CREB5: variants seen among roughly 807,000 people sequenced by gnomAD.
CREB5 encodes the protein cyclic AMP-responsive element-binding protein 5.
CREB5 carries 19 observed loss-of-function variants against 57.1 expected under a neutral mutation model. The ratio of observed to expected loss-of-function variants is 0.33; its 90% CI spans 0.23 to 0.49. CREB5 has a LOEUF of 0.49. Ranked by LOEUF, CREB5 falls within the 20% of genes least tolerant of loss-of-function variation. CREB5 has a pLI of 0.99. For synonymous variants in CREB5, 238 were observed against 238.3 expected (o/e 1.00, Z 0.01); for missense variants, 579 against 671.6 (o/e 0.86, Z 1.52).
intron 1 of CREB5, among the ~76,000 whole-genome samples, chr7:28,312,402 G>A (rs1785296053): frequency 6.6e-6 from 1 of 152,190 alleles, no homozygotes; most frequent in Non-Finnish European, 1.5e-5. Flanking sequence ...CAGAGTGGTG[G>A]AGCTGCAAGG....
rs1209024159 is a variant in CREB5, at chr7:28,384,447, T to C, written c.-25+85006T>C. ...AACATGACTTTGCCTATCCCAGTAT[T>C]GTGGCATTATGCTTCCAATGAGGTT... On this transcript the variant is annotated intron_variant, in intron 1 of 9. Coordinates refer to the CREB5 transcript ENST00000396299. Among the ~76,000 whole-genome samples, 26 of 152,136 alleles carry C rather than the reference T, an allele frequency of 1.7e-4. 1 individual carries two copies. Among genetic ancestry groups the C allele is most frequent in the Non-Finnish European group, 2.9e-5 (2 of 68,036 alleles).
intron 5 of CREB5, among the ~76,000 whole-genome samples, chr7:28,595,265 T>C (rs1562518317): frequency 6.6e-6 from 1 of 152,078 alleles, no homozygotes; most frequent in Non-Finnish European, 1.5e-5. Context: ...TGGTGGGTTG[T>C]GGTTTTATAA....
intron 1 of CREB5, among the ~76,000 whole-genome samples, chr7:28,366,799 G>A (rs1451085203): frequency 6.6e-6 from 1 of 152,130 alleles, no homozygotes; most frequent in Non-Finnish European, 1.5e-5. Context: ...TCATCAAACT[G>A]ACACCAGTAT....
chr7:28,686,716 T>C (rs1583547665), intron 5 of CREB5, among the ~76,000 whole-genome samples: 1 of 152,142 alleles, frequency 6.6e-6, no homozygotes, highest in Non-Finnish European at 1.5e-5. Context: ...TTGCAAAGCA[T>C]TTACCTGCTC....
intron 4 of CREB5, among the ~76,000 whole-genome samples, chr7:28,519,986 T>C (rs924449627): frequency 6.6e-6 from 1 of 152,212 alleles, no homozygotes; most frequent in Non-Finnish European, 1.5e-5. Flanking sequence ...AAGAAGGACA[T>C]GTGTGTCTCT....
intron 1 of CREB5, among the ~76,000 whole-genome samples, chr7:28,355,195 G>A (rs1786315889): frequency 1.3e-5 from 2 of 152,190 alleles, no homozygotes; most frequent in African/African-American, 4.8e-5. Flanking sequence ...CTGTTATGGT[G>A]ACAGGTTACA....
intron 4 of CREB5, among the ~76,000 whole-genome samples, chr7:28,509,805 A>T (rs1437756252): frequency 6.6e-6 from 1 of 152,114 alleles, no homozygotes; most frequent in Non-Finnish European, 1.5e-5. Flanking sequence ...TGCTTTCATG[A>T]TAGGTGTGTG....
At chr7:28,691,297 G>C (rs938469840) in intron 5 of CREB5, among the ~76,000 whole-genome samples, 2 of 151,594 alleles carry the variant, frequency 1.3e-5, no homozygotes, top group Non-Finnish European at 1.5e-5. Context: ...GCGGGTGCCT[G>C]TAATCTCAGC....
chr7:28,735,155 C>T (rs1208900063), intron 7 of CREB5, among the ~76,000 whole-genome samples: 3 of 151,622 alleles, frequency 2.0e-5, no homozygotes, highest in Non-Finnish European at 2.9e-5. Flanking sequence ...TTTGGTATTA[C>T]TTTTTTTGCT....
At chr7:28,445,767 G>A (rs1227818759) in intron 1 of CREB5, among the ~76,000 whole-genome samples, 2 of 151,652 alleles carry the variant, frequency 1.3e-5, no homozygotes, top group East Asian at 2.0e-4. Flanking sequence ...TAGCCAGGAT[G>A]ATCTCGATCT....
At chr7:28,781,774 A>ATTT (rs34772883) in intron 7 of CREB5, among the ~76,000 whole-genome samples, 2 of 150,114 alleles carry the variant, frequency 1.3e-5, no homozygotes, top group African/African-American at 2.4e-5. Context: ...ACAAAAATTG[A>ATTT]TTTTTTTTTT....
intron 5 of CREB5, among the ~76,000 whole-genome samples, chr7:28,632,722 G>T (rs1237917287): frequency 6.6e-6 from 1 of 152,130 alleles, no homozygotes; most frequent in Non-Finnish European, 1.5e-5. Context: ...GCCAAGGGAG[G>T]ATTTTCTGTC....
intron 5 of CREB5, among the ~76,000 whole-genome samples, chr7:28,630,574 G>A (rs1798164348): frequency 6.6e-6 from 1 of 152,130 alleles, no homozygotes; most frequent in Non-Finnish European, 1.5e-5. Context: ...AGCTGAAAAA[G>A]TTCGAAAAAA....
chr7:28,508,219 G>A (rs1792562824), intron 4 of CREB5, among the ~76,000 whole-genome samples: 1 of 152,196 alleles, frequency 6.6e-6, no homozygotes, highest in Non-Finnish European at 1.5e-5. Context: ...AGACAAATAA[G>A]TTGAGTACAA....
At chr7:28,672,186 A>ACACACACACAC (rs553407335) in intron 5 of CREB5, among the ~76,000 whole-genome samples, 17 of 141,964 alleles carry the variant, frequency 1.2e-4, no homozygotes, top group African/African-American at 4.0e-4. Flanking sequence ...AAAAAAAAAA[A>ACACACACACAC]AAACACACAC....
In CREB5 at chr7:28,724,248, C is replaced by G; in HGVS notation, c.618C>G (p.Ser206=). The part of the protein sequence containing the change: ...MPMERQMSVN[S]SIMGMQGPNL... ...TGGAGCGACAAATGTCAGTGAACTC[C>G]AGCATCATGGGGATGCAAGGTCCAA... The change falls in exon 7 of 11, where the codon TCC becomes TCG. Residue 206 remains serine, a synonymous_variant. Transcript: ENST00000357727. The G allele has an allele frequency of 1.2e-6, 2 of 1,613,392 alleles. No homozygotes were observed. Among genetic ancestry groups the G allele is most frequent in the South Asian group, 2.2e-5 (2 of 91,040 alleles).
chr7:28,441,136 T>G (rs183493336), intron 1 of CREB5, among the ~76,000 whole-genome samples: 1 of 152,314 alleles, frequency 6.6e-6, no homozygotes, highest in African/African-American at 2.4e-5. Flanking sequence ...GGAGCTTGAT[T>G]TAAATACCTT....
intron 7 of CREB5, among the ~76,000 whole-genome samples, chr7:28,746,647 C>T (rs543639264): frequency 1.4e-4 from 22 of 152,296 alleles, no homozygotes; most frequent in Non-Finnish European, 2.9e-4. Context: ...TTGTTAGAGG[C>T]GATGGTTTCT....
At chr7:28,364,428 C>T (rs927245213) in intron 1 of CREB5, among the ~76,000 whole-genome samples, 3 of 152,196 alleles carry the variant, frequency 2.0e-5, no homozygotes, top group African/African-American at 4.8e-5. Context: ...AAAACAAAAA[C>T]GTTGAGTGTC....
Sources: allele counts gnomAD v4.1 joint callset (sites outside exome capture counted in the v4.1 genomes callset), GRCh38; gene constraint gnomAD v4.1.1; transcripts MANE v1.5; gene names NCBI Gene and HGNC (gene_info 2026-07-23, HGNC 2026-07-21).